ZNF407: variants seen among roughly 807,000 people sequenced by gnomAD.
The protein encoded by ZNF407 is zinc finger protein 407.
In ZNF407, 17 loss-of-function variants were observed where a neutral mutation model predicts 131.2. That is an observed-to-expected ratio of 0.13 (90% confidence interval 0.09 to 0.19). The LOEUF (loss-of-function observed/expected upper bound fraction) is 0.19. Among genes scored for constraint, ZNF407 ranks in the 10% least tolerant of loss-of-function variants. ZNF407 has a pLI of 1.00. For synonymous variants in ZNF407, 1,156 were observed against 1,062.0 expected (o/e 1.09, Z -1.72); for missense variants, 2,681 against 2,830.6 (o/e 0.95, Z 1.20).
At chr18:74,758,733 G>T (rs910005911) in intron 3 of ZNF407, among the ~76,000 whole-genome samples, 1 of 152,106 alleles carries the variant, frequency 6.6e-6, no homozygotes, top group East Asian at 1.9e-4. Context: ...TCAGATTACA[G>T]ATGTGTGCTC....
chr18:74,818,737 A>C (rs1970300402), intron 4 of ZNF407, among the ~76,000 whole-genome samples: 1 of 152,190 alleles, frequency 6.6e-6, no homozygotes, highest in African/African-American at 2.4e-5. Context: ...AGGACTGAGG[A>C]ATAGATTACA....
At chr18:74,766,137 A>G (rs1020596137) in intron 3 of ZNF407, among the ~76,000 whole-genome samples, 2 of 152,100 alleles carry the variant, frequency 1.3e-5, no homozygotes, top group Middle Eastern at 3.4e-3. Context: ...TCATGCAACA[A>G]TGGGAGCTTT....
intron 3 of ZNF407, among the ~76,000 whole-genome samples, chr18:74,767,712 G>A (rs1969270524): frequency 1.4e-5 from 2 of 145,798 alleles, no homozygotes; most frequent in African/African-American, 5.1e-5. Context: ...GGAATGCAGT[G>A]GTGCGATTTC....
chr18:75,010,829 T>G (rs1330604713), intron 8 of ZNF407, among the ~76,000 whole-genome samples: 1 of 152,166 alleles, frequency 6.6e-6, no homozygotes, highest in Non-Finnish European at 1.5e-5. Flanking sequence ...AATGTTTTCC[T>G]AAAGGAAAAA....
At chr18:74,993,142 C>T (rs926108053) in intron 8 of ZNF407, among the ~76,000 whole-genome samples, 7 of 151,954 alleles carry the variant, frequency 4.6e-5, no homozygotes, top group Non-Finnish European at 7.4e-5. Flanking sequence ...AGGAATTTAC[C>T]CAAAAGGGAT....
intron 3 of ZNF407, among the ~76,000 whole-genome samples, chr18:74,765,547 G>A (rs768140547): frequency 5.9e-5 from 9 of 152,278 alleles, no homozygotes; most frequent in Middle Eastern, 3.4e-3. Flanking sequence ...CCTTGAGCCC[G>A]CAGGTCTCTC....
chr18:74,735,160 T>TG (rs1163122085), intron 3 of ZNF407, among the ~76,000 whole-genome samples: 6 of 152,242 alleles, frequency 3.9e-5, no homozygotes, highest in African/African-American at 1.4e-4. Flanking sequence ...TTTAATCATC[T>TG]GGTTTTCTTG....
intron 3 of ZNF407, among the ~76,000 whole-genome samples, chr18:74,731,564 G>A (rs1968295156): frequency 6.6e-6 from 1 of 152,214 alleles, no homozygotes; most frequent in South Asian, 2.1e-4. Context: ...CTAATTAGGA[G>A]TAATGAAGTC....
At chr18:74,915,537 C>T (rs1971742195) in intron 7 of ZNF407, among the ~76,000 whole-genome samples, 1 of 110,930 alleles carries the variant, frequency 9.0e-6, no homozygotes, top group Non-Finnish European at 1.8e-5. Context: ...TTGTGTGCAG[C>T]ATTGGTTCGA....
chr18:74,780,923 G>A (rs79599674), intron 3 of ZNF407, among the ~76,000 whole-genome samples: 1 of 152,010 alleles, frequency 6.6e-6, no homozygotes, highest in Non-Finnish European at 1.5e-5. Context: ...ATAATTTTTT[G>A]TGCTATAGAT....
intron 8 of ZNF407, chr18:74,920,963 A>G (rs887923358): frequency 3.6e-6 from 4 of 1,126,442 alleles, no homozygotes; most frequent in Middle Eastern, 3.6e-4. Flanking sequence ...TTTAAAGCAT[A>G]GTTGACCTGA....
At chr18:75,004,986 C>T (rs1186006495) in intron 8 of ZNF407, among the ~76,000 whole-genome samples, 1 of 152,186 alleles carries the variant, frequency 6.6e-6, no homozygotes, top group Non-Finnish European at 1.5e-5. Context: ...GAGATATTGA[C>T]AGTCTGTGCT....
chr18:74,694,492 G>C (rs139193977), intron 3 of ZNF407, among the ~76,000 whole-genome samples: 62 of 148,178 alleles, frequency 4.2e-4, no homozygotes, highest in African/African-American at 1.5e-3. Context: ...GCATGACTTA[G>C]TATGCAGCCA....
At chr18:74,608,861 T>C (rs1008428434) in intron 1 of ZNF407, among the ~76,000 whole-genome samples, 1 of 152,236 alleles carries the variant, frequency 6.6e-6, no homozygotes, top group African/African-American at 2.4e-5. Flanking sequence ...ATATGTCTTC[T>C]TCTGGTGAAC....
At chr18:74,878,384 T>TC (rs1971189063) in intron 5 of ZNF407, among the ~76,000 whole-genome samples, 1 of 152,294 alleles carries the variant, frequency 6.6e-6, no homozygotes, top group African/African-American at 2.4e-5. Flanking sequence ...TAAAAGTTCT[T>TC]CTCAAGCAGT....
chr18:74,930,676 A>G (rs1217177900), intron 8 of ZNF407, among the ~76,000 whole-genome samples: 1 of 152,128 alleles, frequency 6.6e-6, no homozygotes, highest in Non-Finnish European at 1.5e-5. Context: ...TTATAATCCA[A>G]TACCATTGTG....
Position 74,916,495 on chromosome 18 carries a change from T to C in ZNF407, c.5250-4019T>C, listed in dbSNP as rs1221928344. On this transcript the variant is annotated intron_variant, in intron 7 of 8. Transcript: ENST00000299687. ...TTCGAATTGGGAGTGTGTGTGTGTG[T>C]GCGTGCATGTGTGTGCTGGTATGGT... is the stretch of plus-strand genomic sequence containing the variant. 3.1e-3 allele frequency among the ~76,000 whole-genome samples: 413 copies of C among 131,878 alleles called. 2 individuals are homozygous for C. Among genetic ancestry groups the C allele is most frequent in the African/African-American group, 0.012 (364 of 30,636 alleles). The allele number at this position is 131,878 out of a possible 152,430, so 86.5% of individuals were successfully genotyped here.
chr18:74,612,909 T>G (rs376846311), intron 1 of ZNF407, among the ~76,000 whole-genome samples: 2 of 152,210 alleles, frequency 1.3e-5, no homozygotes, highest in East Asian at 3.9e-4. Flanking sequence ...AAAACAAAAA[T>G]CAAGGCAGAA....
intron 4 of ZNF407, among the ~76,000 whole-genome samples, chr18:74,808,292 G>A (rs545013262): frequency 6.6e-6 from 1 of 152,268 alleles, no homozygotes; most frequent in African/African-American, 2.4e-5. Flanking sequence ...GGGATTATAG[G>A]TGTGAGCCAC....
Sources: gnomAD v4.1 joint callset for allele counts (sites outside exome capture counted in the v4.1 genomes callset) on GRCh38, gnomAD v4.1.1 for gene constraint, MANE v1.5 for transcripts, NCBI Gene and HGNC (gene_info 2026-07-23, HGNC 2026-07-21) for gene names.